The following CASP5 variants were observed in gnomAD, a reference collection of about 807,000 sequenced individuals.
CASP5 encodes the protein caspase 5.
In CASP5, 42 loss-of-function variants were observed where a neutral mutation model predicts 45.2. That is an observed-to-expected ratio of 0.93 (90% CI 0.73 to 1.20). The LOEUF (loss-of-function observed/expected upper bound fraction) is 1.20. Ranked by LOEUF, CASP5 falls within the 50% of genes most tolerant of loss-of-function variation. The pLI is 0.00. For missense variants in CASP5, 512 were observed against 532.2 expected (o/e 0.96, Z 0.37); for synonymous variants, 209 against 186.2 (o/e 1.12, Z -1.00).
chr11:105,023,044 T>C, intron 1 of CASP5, 86 bp downstream of exon 1: 2 of 1,236,436 alleles, frequency 1.6e-6, no homozygotes, highest in Non-Finnish European at 2.3e-6. Flanking sequence ...TCCCTTTTGG[T>C]ATTTCTGCCT....
At chr11:105,011,084 C>G (rs1034199804) in intron 1 of CASP5, among the ~76,000 whole-genome samples, 11 of 151,616 alleles carry the variant, frequency 7.3e-5, no homozygotes, top group African/African-American at 2.4e-4. Context: ...TTTACAGAGG[C>G]TTCTTAGAAG....
At chr11:105,012,664 G>T (rs930714555) in intron 1 of CASP5, among the ~76,000 whole-genome samples, 2 of 151,698 alleles carry the variant, frequency 1.3e-5, no homozygotes, top group Non-Finnish European at 3.0e-5. Flanking sequence ...TATACAAAAT[G>T]CTCAACATCT....
At position 105,002,010 on chromosome 11, in the gene CASP5, T is replaced by C. The variant is rs374326088; in HGVS notation, c.717+18A>G. The C allele has an allele frequency of 3.1e-6, 5 of 1,610,460 alleles. No homozygotes were observed. Among genetic ancestry groups the C allele is most frequent in the Non-Finnish European group, 4.2e-6 (5 of 1,178,562 alleles). ...GTGTTGCCTATGGATGAGTGTGAGATGGCTTAGGGGTTCTTACCCTGGCTG... is the reference window on the plus strand; with the variant it reads ...GTGTTGCCTATGGATGAGTGTGAGACGGCTTAGGGGTTCTTACCCTGGCTG... On this transcript the variant is annotated intron_variant, in intron 5 of 9. Transcript: ENST00000260315.
intron 1 of CASP5, among the ~76,000 whole-genome samples, chr11:105,010,931 G>A (rs376520677): frequency 6.6e-6 from 1 of 151,728 alleles, no homozygotes; most frequent in Non-Finnish European, 1.5e-5. Flanking sequence ...AGCAGGAATA[G>A]AAGTACAAGT....
chr11:105,016,613 T>C (rs372027413), intron 1 of CASP5, among the ~76,000 whole-genome samples: 8,877 of 152,056 alleles, frequency 0.058, 786 homozygotes, highest in African/African-American at 0.2. Flanking sequence ...GCTTAAAAAA[T>C]GGCGCATCAG....
intron 3 of CASP5, among the ~76,000 whole-genome samples, chr11:105,006,077 A>T (rs1861986766): frequency 6.6e-6 from 1 of 152,250 alleles, no homozygotes; most frequent in South Asian, 2.1e-4. Flanking sequence ...AGGGCTGAAG[A>T]TTTCAGTTTA....
At chr11:105,008,752 A>T in intron 2 of CASP5, 55 bp downstream of exon 2, 1 of 1,295,688 alleles carries the variant, frequency 7.7e-7, no homozygotes. Context: ...TGGGACTTAT[A>T]ATTGAACAGA....
At position 105,004,790 on chromosome 11, in the gene CASP5, A is replaced by G. The variant is rs1248870484; in HGVS notation, c.434-1407T>C. Among the ~76,000 whole-genome samples the G allele has an allele frequency of 3.3e-5, 5 of 152,160 alleles. 1 individual carries two copies. In the East Asian group the frequency reaches 9.6e-4, roughly 29 times the overall value. On this transcript the variant is annotated intron_variant, in intron 3 of 9. Coordinates refer to ENST00000260315, the MANE Select transcript of CASP5 (RefSeq NM_004347.5). ...ATACCTTCTAAGCATCTCTTTTTTC[A>G]TAGATTAAACAGTGACAGATGCTTT... is the stretch of plus-strand genomic sequence containing the variant.
chr11:105,019,093 T>A (rs1862797757), intron 1 of CASP5, among the ~76,000 whole-genome samples: 1 of 149,638 alleles, frequency 6.7e-6, no homozygotes, highest in Admixed American at 6.8e-5. Context: ...AATAAAGATG[T>A]TCTTTGAAAC....
At chr11:105,007,424 C>G in intron 2 of CASP5, 90 bp from the exon 3 acceptor site, 1 of 1,221,182 alleles carries the variant, frequency 8.2e-7, no homozygotes, top group East Asian at 2.3e-5. Flanking sequence ...TATGAAACTC[C>G]TCTAAAAATA....
rs773974557 is a variant in CASP5 at position 105,008,814 on chromosome 11, A to C, written c.174T>G (p.Ser58Arg). 1 of 1,605,104 alleles carries C rather than the reference A, an allele frequency of 6.2e-7. No homozygotes were observed. Among genetic ancestry groups the C allele is most frequent in the African/African-American group, 1.3e-5 (1 of 74,736 alleles). ...TAAAATATCCAGTCTTACTTTTTAC[A>C]CTGGTCGACTTTTGATCCGTATTAG... ...LVPNTDQKST[S>R]VKKDNHKKKT... is the part of the protein sequence containing the mutation. Residue 58 changes from serine (S) to arginine (R), a missense_variant, in exon 2 of 10, where the codon AGT becomes AGG. Coordinates refer to ENST00000260315, the MANE Select transcript of CASP5 (RefSeq NM_004347.5).
At chr11:104,995,402 CAGAG>C (rs1168724429) in intron 9 of CASP5, 10 of 170,534 alleles carry the variant, frequency 5.9e-5, no homozygotes, top group Non-Finnish European at 8.7e-5. Context: ...GGGAGAGAAA[CAGAG>C]AGAGAGACAA....
At chr11:105,015,638 C>T (rs1343401986) in intron 1 of CASP5, among the ~76,000 whole-genome samples, 1 of 152,110 alleles carries the variant, frequency 6.6e-6, no homozygotes, top group Non-Finnish European at 1.5e-5. Context: ...TAATGATTCT[C>T]CTGACTCCAG....
rs551794480 is a variant in CASP5 at position 105,022,772 on chromosome 11, G to A, written c.7+358C>T. ...GTGGGGAGAAGGTTCATAGTCTGGAGGATTAATTTGGAATCAAGAGGAAGC... is the reference window on the plus strand; with the variant it reads ...GTGGGGAGAAGGTTCATAGTCTGGAAGATTAATTTGGAATCAAGAGGAAGC... On this transcript the variant is annotated intron_variant, in intron 1 of 9. Coordinates refer to ENST00000260315, the MANE Select transcript of CASP5 (RefSeq NM_004347.5). 3.3e-5 allele frequency among the ~76,000 whole-genome samples: 5 copies of A among 152,186 alleles called. No individual in the cohort carries two copies. The South Asian group carries it at 8.3e-4, about 25-fold the overall frequency.
At chr11:105,006,989 A>C in intron 3 of CASP5, 94 bp downstream of exon 3, 1 of 1,035,116 alleles carries the variant, frequency 9.7e-7, no homozygotes, top group East Asian at 2.4e-5. Context: ...TAGAAATGAA[A>C]CTGTAGGTAG....
intron 1 of CASP5, among the ~76,000 whole-genome samples, chr11:105,015,655 A>C (rs1413264284): frequency 2.0e-5 from 3 of 152,108 alleles, no homozygotes; most frequent in Non-Finnish European, 4.4e-5. Flanking sequence ...CCAGTCTACG[A>C]CCAGTAAAGT....
chr11:105,012,093 T>C (rs1484056287), intron 1 of CASP5, among the ~76,000 whole-genome samples: 2 of 151,474 alleles, frequency 1.3e-5, no homozygotes, highest in Non-Finnish European at 3.0e-5. Context: ...AACACAGAGA[T>C]CAATGGAATA....
chr11:105,019,486 C>T (rs112770634), intron 1 of CASP5, among the ~76,000 whole-genome samples: 19,075 of 145,332 alleles, frequency 0.13, 1,523 homozygotes, highest in Admixed American at 0.2. Context: ...CACCACCGAT[C>T]CCACAGAAAT....
intron 1 of CASP5, among the ~76,000 whole-genome samples, chr11:105,010,696 C>G (rs1237383431): frequency 6.6e-6 from 1 of 151,364 alleles, no homozygotes; most frequent in Non-Finnish European, 1.5e-5. Context: ...GGTTCAAATC[C>G]TATTTTTACA....
Sources: allele counts gnomAD v4.1 joint callset (sites outside exome capture counted in the v4.1 genomes callset), GRCh38; gene constraint gnomAD v4.1.1; transcripts MANE v1.5; gene names NCBI Gene and HGNC (gene_info 2026-07-23, HGNC 2026-07-21).